ACOX3: variants seen among roughly 807,000 people sequenced by gnomAD.
The protein encoded by ACOX3 is acyl-CoA oxidase 3, pristanoyl, also known as peroxisomal acyl-coenzyme A oxidase 3.
A neutral mutation model predicts 81.5 loss-of-function variants in ACOX3; 73 were observed. That is an observed-to-expected ratio of 0.90 (90% confidence interval 0.74 to 1.09). The LOEUF is 1.09. Among genes scored for constraint, ACOX3 ranks in the 50% least tolerant of loss-of-function variants. The pLI is 0.00. For missense variants in ACOX3, 947 were observed against 928.0 expected, an observed-to-expected ratio of 1.02 and a Z score of -0.27; for synonymous variants, 387 against 375.1, an observed-to-expected ratio of 1.03 and a Z score of -0.37.
rs1272513810 is a variant in ACOX3 at position 8,405,548 on chromosome 4, A to T, written c.776+407T>A. Among the ~76,000 whole-genome samples the T allele has an allele frequency of 7.7e-4, 118 of 152,360 alleles. 1 individual carries two copies. The highest frequency in any genetic ancestry group is 1.0e-4 in the Non-Finnish European group (7 of 68,030). On this transcript the variant is annotated intron_variant, in intron 7 of 17. Coordinates refer to ENST00000356406, the MANE Select transcript of ACOX3 (RefSeq NM_003501.3). The surrounding 1 kb of genome is among the most constrained non-coding windows in gnomAD (Gnocchi z 7.1). Reference sequence around the variant, plus strand: ...CCGGAAAGGAGCAAGCCTACTCTGGAGGCAGAAACTGCAGATATGGGTCCC... The same window carrying T: ...CCGGAAAGGAGCAAGCCTACTCTGGTGGCAGAAACTGCAGATATGGGTCCC...
intron 10 of ACOX3, among the ~76,000 whole-genome samples, chr4:8,393,706 C>T (rs1719338001): frequency 6.6e-6 from 1 of 151,964 alleles, no homozygotes; most frequent in Non-Finnish European, 1.5e-5. Context: ...TTCAACTTCA[C>T]ATAAGGGGCT....
Position 8,407,166 on chromosome 4 carries a change from T to C in ACOX3, c.688-1123A>G, listed in dbSNP as rs1721084433. On this transcript the variant is annotated intron_variant, in intron 6 of 17. Coordinates refer to ENST00000356406, the MANE Select transcript of ACOX3 (RefSeq NM_003501.3). The surrounding 1 kb of genome is among the most constrained non-coding windows in gnomAD (Gnocchi z 4.6). ...CTTGTCTTCTGGTCACTCCTCACTA[T>C]GTCCCCTCAGCTCCTATCTCTGTAT... is the stretch of plus-strand genomic sequence containing the variant. Among the ~76,000 whole-genome samples the C allele has an allele frequency of 1.3e-5, 2 of 152,236 alleles. No homozygotes were observed. Among genetic ancestry groups the C allele is most frequent in the African/African-American group, 4.8e-5 (2 of 41,468 alleles).
chr4:8,386,565 CA>C lies in ACOX3; in HGVS notation c.1537+2607del, dbSNP rs567670556. Among the ~76,000 whole-genome samples the C allele has an allele frequency of 0.051, 3,298 of 64,406 alleles. 92 individuals are homozygous for C. Among genetic ancestry groups the C allele is most frequent in the African/African-American group, 0.16 (2,945 of 18,942 alleles). The allele number at this position is 64,406 out of a possible 152,430, so 42.3% of individuals were successfully genotyped here. On this transcript the variant is annotated intron_variant, in intron 13 of 17. Transcript: ENST00000356406. This position sits in a 1 kb window ranked among gnomAD's most constrained non-coding sequence, Gnocchi z 5.2. ...TGGGCGACAGAGCGAGACTCCGTCT[CA>C]AAAAAAAAAAAAAAAAGAAAGTGAC...
chr4:8,382,946 G>A lies in ACOX3; in HGVS notation c.1538-1339C>T, dbSNP rs1489078512. On this transcript the variant is annotated intron_variant, in intron 13 of 17. Transcript: ENST00000356406. The surrounding 1 kb of genome is among the most constrained non-coding windows in gnomAD (Gnocchi z 4.1). ...GGCGGAGTTGCAGTGAGCCGAGATC[G>A]CGCCACTGCACTCCAGCCTGGGCGA... Among the ~76,000 whole-genome samples, 4 of 144,002 alleles carry A rather than the reference G, an allele frequency of 2.8e-5. No homozygotes were observed. Among genetic ancestry groups the A allele is most frequent in the Non-Finnish European group, 4.5e-5 (3 of 66,954 alleles). 94.5% of individuals were successfully genotyped at this position (144,002 alleles called of 152,430 possible). A position where few individuals can be genotyped will look rare whatever the true frequency, so the allele number is the denominator to read the frequency against.
At chr4:8,439,909 G>C (rs555371175) in intron 1 of ACOX3, among the ~76,000 whole-genome samples, 2 of 148,846 alleles carry the variant, frequency 1.3e-5, no homozygotes, top group Non-Finnish European at 3.0e-5. Flanking sequence ...AAGACAGGAG[G>C]AAAAGAGAGA....
chr4:8,388,530 GCTCTCGCTCCCAC>G (rs1403334265), intron 13 of ACOX3, among the ~76,000 whole-genome samples: 1 of 152,244 alleles, frequency 6.6e-6, no homozygotes, highest in Admixed American at 6.5e-5. Context: ...CTCATTCCCA[GCTCTCGCTCCCAC>G]CTCTCTGAGC....
chr4:8,368,679 C>T lies in ACOX3; in HGVS notation c.1984-1599G>A, dbSNP rs374342358. Among the ~76,000 whole-genome samples the T allele has an allele frequency of 3.5e-4, 53 of 152,110 alleles. No individual in the cohort carries two copies. In the East Asian group the frequency reaches 6.2e-3, roughly 18 times the overall value. ...TTGTTCGCTTATAGTGAATTTCTCA[C>T]CTGGCAGCTCCTGGTTAATACACCA... is the stretch of plus-strand genomic sequence containing the variant. On this transcript the variant is annotated intron_variant, in intron 17 of 17. Transcript: ENST00000356406. The surrounding 1 kb of genome is among the most constrained non-coding windows in gnomAD (Gnocchi z 5.9).
intron 15 of ACOX3, 116 bp downstream of exon 15, chr4:8,374,862 G>T: frequency 8.6e-7 from 1 of 1,167,618 alleles, no homozygotes; most frequent in Non-Finnish European, 1.2e-6. Context: ...AGCGCCATCC[G>T]CCGTGCTCAG....
Position 8,394,162 on chromosome 4 carries a change from A to T in ACOX3, c.1179+458T>A, listed in dbSNP as rs1173472535. ...TCAGTTCATAATCATCTACAAAGAA[A>T]TCCGTTCCCGATGTCTCTTTATGCC... On this transcript the variant is annotated intron_variant, in intron 10 of 17. Transcript: ENST00000356406. This position sits in a 1 kb window ranked among gnomAD's most constrained non-coding sequence, Gnocchi z 5.9. Among the ~76,000 whole-genome samples the T allele has an allele frequency of 6.6e-6, 1 of 152,102 alleles. No individual in the cohort carries two copies. Among genetic ancestry groups the T allele is most frequent in the Non-Finnish European group, 1.5e-5 (1 of 68,036 alleles).
downstream of ACOX3, among the ~76,000 whole-genome samples, chr4:8,361,297 GC>G (rs1304224188): frequency 6.6e-6 from 1 of 151,562 alleles, no homozygotes; most frequent in African/African-American, 2.4e-5. Flanking sequence ...GTGGTTGTGG[GC>G]GCCTGTAGTC....
chr4:8,376,768 A>G (rs1560169264), intron 14 of ACOX3, among the ~76,000 whole-genome samples: 3 of 152,118 alleles, frequency 2.0e-5, no homozygotes, highest in Non-Finnish European at 4.4e-5. Context: ...CACATGCGCT[A>G]TAGCTCTGGG....
intron 5 of ACOX3, among the ~76,000 whole-genome samples, chr4:8,410,852 G>A (rs1027236446): frequency 7.2e-5 from 11 of 152,216 alleles, no homozygotes; most frequent in Admixed American, 2.0e-4. Flanking sequence ...CAAATGCCCC[G>A]AGCACAAGGC....
intron 11 of ACOX3, among the ~76,000 whole-genome samples, chr4:8,390,096 C>G (rs1036327576): frequency 1.7e-5 from 2 of 120,720 alleles, no homozygotes; most frequent in African/African-American, 8.8e-5. Flanking sequence ...GAGCAAGACC[C>G]TGTCTCAACA....
intron 1 of ACOX3, among the ~76,000 whole-genome samples, chr4:8,433,237 C>A (rs989441200): frequency 9.2e-5 from 14 of 152,350 alleles, no homozygotes; most frequent in African/African-American, 3.4e-4. Context: ...ATCTCAGTGA[C>A]TGTTTCATTC....
Position 8,368,974 on chromosome 4 carries a change from T to G in ACOX3, c.1984-1894A>C, listed in dbSNP as rs1715816199. ...GGATAACAGGTGTGAGCCACCATGC[T>G]CAGCCAGGAATGCACGTTTAATAAA... On this transcript the variant is annotated intron_variant, in intron 17 of 17. Transcript: ENST00000356406. This position sits in a 1 kb window ranked among gnomAD's most constrained non-coding sequence, Gnocchi z 5.9. 6.6e-6 allele frequency among the ~76,000 whole-genome samples: 1 copy of G among 152,126 alleles called. No individual in the cohort carries two copies.
At chr4:8,369,225 G>C (rs1173522674) in intron 17 of ACOX3, among the ~76,000 whole-genome samples, 2 of 152,156 alleles carry the variant, frequency 1.3e-5, no homozygotes, top group Non-Finnish European at 2.9e-5. Flanking sequence ...CTCCATGGCG[G>C]GTCTGGCTCC....
At chr4:8,367,259 C>T (rs933047283) in intron 17 of ACOX3, among the ~76,000 whole-genome samples, 179 bp from the exon 18 acceptor site, 1 of 152,154 alleles carries the variant, frequency 6.6e-6, no homozygotes, top group Admixed American at 6.5e-5. Flanking sequence ...GTAGGCAGAT[C>T]ACCTGAGGTC....
chr4:8,396,335 C>T (rs986199873), intron 9 of ACOX3, among the ~76,000 whole-genome samples: 51 of 152,234 alleles, frequency 3.4e-4, no homozygotes, highest in African/African-American at 1.2e-3. Context: ...GCGGCCTCAC[C>T]TGAACGTGCG....
intron 14 of ACOX3, among the ~76,000 whole-genome samples, chr4:8,376,996 C>CCAGGCCT (rs1717047418): frequency 6.6e-6 from 1 of 152,028 alleles, no homozygotes. Context: ...TGCTGCAGCT[C>CCAGGCCT]CAGGCCTCAG....
Sources: gnomAD v4.1 joint callset for allele counts (sites outside exome capture counted in the v4.1 genomes callset) on GRCh38, gnomAD v4.1.1 for gene constraint, Gnocchi (gnomAD v3.1) non-coding constraint, MANE v1.5 for transcripts, NCBI Gene and HGNC (gene_info 2026-07-23, HGNC 2026-07-21) for gene names.